TBL1XR1: variants seen among roughly 807,000 people sequenced by gnomAD.
The protein encoded by TBL1XR1 is TBL1X/Y related 1, also known as F-box-like/WD repeat-containing protein TBL1XR1.
A neutral mutation model predicts 66.9 loss-of-function variants in TBL1XR1; 5 were observed. The ratio of observed to expected loss-of-function variants is 0.07; its 90% CI spans 0.04 to 0.16. TBL1XR1 has a LOEUF of 0.16. Among genes scored for constraint, TBL1XR1 ranks in the 10% least tolerant of loss-of-function variants. The pLI is 1.00. For missense variants in TBL1XR1, 238 were observed against 623.2 expected (o/e 0.38, Z 6.58); for synonymous variants, 210 against 206.0 (o/e 1.02, Z -0.17).
At position 177,197,473 on chromosome 3, in the gene TBL1XR1, C is replaced by G. The variant is rs1737013665; in HGVS notation, c.-474G>C. ...AAAAGCTGTTACTAAGGGAAAGAGCCAAACGGTTCGGAGCAGCCAACGGCT... is the reference window on the plus strand; with the variant it reads ...AAAAGCTGTTACTAAGGGAAAGAGCGAAACGGTTCGGAGCAGCCAACGGCT... On this transcript the variant is annotated 5_prime_UTR_variant, in exon 1 of 16. Transcript: ENST00000457928. 6.8e-6 allele frequency: 1 copy of G among 147,278 alleles called. No individual in the cohort carries two copies. Among genetic ancestry groups the G allele is most frequent in the Admixed American group, 6.8e-5 (1 of 14,774 alleles). The allele number at this position is 147,278 out of a possible 1,614,324, so 9.1% of individuals were successfully genotyped here.
chr3:177,142,460 T>C (rs1290236889), intron 1 of TBL1XR1, among the ~76,000 whole-genome samples: 2 of 152,194 alleles, frequency 1.3e-5, no homozygotes, highest in Non-Finnish European at 2.9e-5. Context: ...GGTGTTGCCA[T>C]GGCAATGATA....
chr3:177,084,393 T>G (rs1168293533), intron 2 of TBL1XR1, among the ~76,000 whole-genome samples: 1 of 152,244 alleles, frequency 6.6e-6, no homozygotes, highest in African/African-American at 2.4e-5. Flanking sequence ...TTTTAGGATA[T>G]ATGTAGAATC....
At chr3:177,135,298 G>A in intron 1 of TBL1XR1, among the ~76,000 whole-genome samples, 1 of 78,586 alleles carries the variant, frequency 1.3e-5, no homozygotes, top group Non-Finnish European at 2.7e-5. Flanking sequence ...CACCGCACAA[G>A]GCCGCACTCT....
chr3:177,120,853 A>G (rs1560198541), intron 1 of TBL1XR1: 1 of 152,204 alleles, frequency 6.6e-6, no homozygotes, highest in Non-Finnish European at 1.5e-5. Context: ...TTTGTACTTC[A>G]TGTTGTCTCA....
chr3:177,091,871 C>A (rs1051106770), intron 2 of TBL1XR1, among the ~76,000 whole-genome samples: 1 of 152,156 alleles, frequency 6.6e-6, no homozygotes, highest in Non-Finnish European at 1.5e-5. Flanking sequence ...GGGAAAGTTT[C>A]TCTTTATAGA....
intron 2 of TBL1XR1, among the ~76,000 whole-genome samples, chr3:177,068,372 C>A (rs1719436760): frequency 6.6e-6 from 1 of 152,140 alleles, no homozygotes; most frequent in African/African-American, 2.4e-5. Flanking sequence ...ATTAATGTAG[C>A]CAAAAGCAAA....
At chr3:177,085,653 T>C (rs992709193) in intron 2 of TBL1XR1, among the ~76,000 whole-genome samples, 3 of 152,188 alleles carry the variant, frequency 2.0e-5, no homozygotes, top group Non-Finnish European at 4.4e-5. Flanking sequence ...ATAGGATGTA[T>C]AGGAAAATGA....
chr3:177,079,973 A>C (rs574415931), intron 2 of TBL1XR1: 25 of 152,266 alleles, frequency 1.6e-4, no homozygotes, highest in Middle Eastern at 3.4e-3. Flanking sequence ...TGAATTAGAT[A>C]ATCTGAAAGG....
intron 2 of TBL1XR1, among the ~76,000 whole-genome samples, chr3:177,090,436 TG>T (rs1328856322): frequency 6.6e-6 from 1 of 150,972 alleles, no homozygotes; most frequent in African/African-American, 2.4e-5. Context: ...CCCAGCACTT[TG>T]GCAGGCTGAG....
intron 7 of TBL1XR1, 196 bp from the exon 8 acceptor site, chr3:177,047,745 T>TG: frequency 1.8e-6 from 1 of 570,268 alleles, no homozygotes; most frequent in South Asian, 2.5e-5. Context: ...TAATGTTGTA[T>TG]GGGGGCCTTA....
chr3:177,069,295 C>T (rs929375378), intron 2 of TBL1XR1, among the ~76,000 whole-genome samples: 1 of 152,054 alleles, frequency 6.6e-6, no homozygotes, highest in Admixed American at 6.6e-5. Flanking sequence ...AAATCAGGGT[C>T]AGATCTCAGA....
intron 1 of TBL1XR1, among the ~76,000 whole-genome samples, chr3:177,190,133 C>CAAAAAAAAAAAAAAA (rs548783302): frequency 2.9e-5 from 2 of 69,394 alleles, no homozygotes; most frequent in African/African-American, 1.3e-4. Flanking sequence ...AACTCCATCT[C>CAAAAAAAAAAAAAAA]AAAAAAAAAA....
intron 13 of TBL1XR1, among the ~76,000 whole-genome samples, chr3:177,033,633 C>G (rs1054674018): frequency 6.6e-6 from 1 of 151,758 alleles, no homozygotes; most frequent in Non-Finnish European, 1.5e-5. Context: ...TAACTTGAAA[C>G]AATAATAAAA....
At chr3:177,133,747 C>CA (rs1219499848) in intron 1 of TBL1XR1, among the ~76,000 whole-genome samples, 1 of 151,570 alleles carries the variant, frequency 6.6e-6, no homozygotes, top group Non-Finnish European at 1.5e-5. Context: ...GCTAAAAATA[C>CA]AAAAATTAGC....
At chr3:177,029,255 C>T (rs960229641) in intron 14 of TBL1XR1, among the ~76,000 whole-genome samples, 2 of 152,032 alleles carry the variant, frequency 1.3e-5, no homozygotes, top group Non-Finnish European at 2.9e-5. Flanking sequence ...CACAGCAAGA[C>T]CCTATCTCTA....
chr3:177,059,958 G>A (rs1034925429), intron 3 of TBL1XR1, among the ~76,000 whole-genome samples: 2 of 152,242 alleles, frequency 1.3e-5, no homozygotes, highest in South Asian at 2.1e-4. Context: ...TCCTGCCCTC[G>A]AACATCAGAT....
At position 177,086,116 on chromosome 3, in the gene TBL1XR1, A is replaced by G. The variant is rs1291066000; in HGVS notation, c.-46+12350T>C. ...GTCTCCCCAGATATTAGCACTAGCC[A>G]AGTCCACACACGTAAGTTTTAAATT... On this transcript the variant is annotated intron_variant, in intron 2 of 15. Transcript: ENST00000457928. Among the ~76,000 whole-genome samples the G allele has an allele frequency of 2.0e-5, 3 of 151,362 alleles. No individual in the cohort carries two copies. In the East Asian group the frequency reaches 5.8e-4, roughly 29 times the overall value.
chr3:177,049,912 A>C, intron 7 of TBL1XR1, 85 bp downstream of exon 7: 3 of 1,479,416 alleles, frequency 2.0e-6, no homozygotes, highest in Non-Finnish European at 2.7e-6. Context: ...ATTCTGAACA[A>C]ATAGACAAAC....
At chr3:177,113,328 T>C (rs968539681) in intron 1 of TBL1XR1, among the ~76,000 whole-genome samples, 2 of 152,126 alleles carry the variant, frequency 1.3e-5, no homozygotes, top group African/African-American at 4.8e-5. Flanking sequence ...TTTCTTTGGA[T>C]AGGACCTCAA....
Sources: gnomAD v4.1 joint callset for allele counts (sites outside exome capture counted in the v4.1 genomes callset) on GRCh38, gnomAD v4.1.1 for gene constraint, MANE v1.5 for transcripts, NCBI Gene and HGNC (gene_info 2026-07-23, HGNC 2026-07-21) for gene names.